HDAC8: variants seen among roughly 807,000 people sequenced by gnomAD.
The protein encoded by HDAC8 is histone deacetylase-like 1.
HDAC8 carries 1 observed loss-of-function variant against 32.2 expected under a neutral mutation model. The ratio of observed to expected loss-of-function variants is 0.03; its 90% CI spans 0.01 to 0.15. HDAC8 has a LOEUF of 0.15. HDAC8 is among the 10% of genes least tolerant of loss of function. The pLI, the probability that HDAC8 is intolerant of heterozygous loss-of-function variation, is 1.00. For synonymous variants in HDAC8, 108 were observed against 113.9 expected (o/e 0.95, Z 0.33); for missense variants, 117 against 300.0 (o/e 0.39, Z 4.51).
intron 4 of HDAC8, among the ~76,000 whole-genome samples, chrX:72,520,676 A>G (rs1337830517): frequency 8.9e-6 from 1 of 112,607 alleles, no homozygotes; most frequent in Non-Finnish European, 1.9e-5. Context: ...TATAGTCTGT[A>G]AATTTCCCAA....
chrX:72,557,218 A>C lies in HDAC8; in HGVS notation c.437+10671T>G, dbSNP rs1440597522. ...ACTCCACCTCAAACAAACAAACAAA[A>C]AAACATTCTACCCAACAACTGCAGA... On this transcript the variant is annotated intron_variant, in intron 4 of 10. Transcript: ENST00000373573. 3.6e-5 allele frequency among the ~76,000 whole-genome samples: 4 copies of C among 111,661 alleles called. No individual in the cohort carries two copies. In the Admixed American group the frequency reaches 3.8e-4, roughly 11 times the overall value.
At chrX:72,476,556 A>T (rs2048341914) in intron 7 of HDAC8, among the ~76,000 whole-genome samples, 1 of 111,203 alleles carries the variant, frequency 9.0e-6, no homozygotes, top group Admixed American at 9.6e-5. Flanking sequence ...TACAGCACTC[A>T]GTTCAGGGAG....
At chrX:72,423,619 T>C (rs782578114) in intron 9 of HDAC8, among the ~76,000 whole-genome samples, 4 of 112,714 alleles carry the variant, frequency 3.5e-5, no homozygotes, top group Non-Finnish European at 7.5e-5. Context: ...ACAGCTCAGC[T>C]ATGTACTGTA....
chrX:72,347,308 T>C (rs1555947298), intron 10 of HDAC8, among the ~76,000 whole-genome samples: 1 of 111,933 alleles, frequency 8.9e-6, no homozygotes, highest in Non-Finnish European at 1.9e-5. Context: ...GGCAGATGCA[T>C]GCAAGGCCTT....
chrX:72,417,805 C>G (rs1444334358), intron 9 of HDAC8, among the ~76,000 whole-genome samples: 1 of 111,948 alleles, frequency 8.9e-6, no homozygotes, highest in Non-Finnish European at 1.9e-5. Flanking sequence ...ATCACATTAT[C>G]CAACTTCAAA....
At chrX:72,372,715 T>C (rs782332289) in intron 9 of HDAC8, among the ~76,000 whole-genome samples, 18 of 111,916 alleles carry the variant, frequency 1.6e-4, no homozygotes, top group Non-Finnish European at 3.2e-4. Context: ...TTAATTTTAG[T>C]TGTACCATTT....
At chrX:72,427,462 C>A (rs1162928052) in intron 9 of HDAC8, among the ~76,000 whole-genome samples, 2 of 110,034 alleles carry the variant, frequency 1.8e-5, no homozygotes, top group Non-Finnish European at 3.8e-5. Flanking sequence ...ATGGATGAAG[C>A]TGGAAACCAT....
At chrX:72,546,999 AC>A (rs782769703) in intron 4 of HDAC8, among the ~76,000 whole-genome samples, 47 of 109,793 alleles carry the variant, frequency 4.3e-4, no homozygotes, top group African/African-American at 1.5e-3. Flanking sequence ...CCAACAAACC[AC>A]CCCTCAACCC....
intron 9 of HDAC8, among the ~76,000 whole-genome samples, chrX:72,420,272 A>G (rs1602751866): frequency 3.6e-5 from 4 of 111,253 alleles, no homozygotes; most frequent in African/African-American, 1.3e-4. Flanking sequence ...GAATCTCTTT[A>G]TTTGTTATAG....
intron 9 of HDAC8, among the ~76,000 whole-genome samples, chrX:72,401,510 G>A (rs1044060904): frequency 8.9e-5 from 10 of 112,247 alleles, no homozygotes; most frequent in Non-Finnish European, 1.9e-4. Context: ...TTACAGGCAT[G>A]AGCCACTGTG....
At chrX:72,349,616 AT>A (rs1323697004) in intron 10 of HDAC8, among the ~76,000 whole-genome samples, 3 of 111,497 alleles carry the variant, frequency 2.7e-5, no homozygotes, top group Non-Finnish European at 5.7e-5. Flanking sequence ...GAGATCTGTT[AT>A]TTTTTTCACC....
rs142140683 is a variant in HDAC8 at position 72,448,003 on chromosome X, T to C, written c.1005+14001A>G. Reference sequence around the variant, plus strand: ...AGGATCAATATTGTGAAAATGGCCATACTGCCCAAAGTAATTTATAGATTC... The same window carrying C: ...AGGATCAATATTGTGAAAATGGCCACACTGCCCAAAGTAATTTATAGATTC... On this transcript the variant is annotated intron_variant, in intron 9 of 10. Coordinates refer to ENST00000373573, the MANE Select transcript of HDAC8 (RefSeq NM_018486.3). 9.6e-3 allele frequency among the ~76,000 whole-genome samples: 1,082 copies of C among 112,145 alleles called. 16 individuals are homozygous for C. Among genetic ancestry groups the C allele is most frequent in the African/African-American group, 0.034 (1,034 of 30,849 alleles).
chrX:72,411,427 C>A (rs1333636306), intron 9 of HDAC8, among the ~76,000 whole-genome samples: 5 of 111,819 alleles, frequency 4.5e-5, no homozygotes, highest in Non-Finnish European at 9.4e-5. Context: ...GAGTTGACAC[C>A]CTCAGAGGGG....
At chrX:72,423,664 T>G (rs2046554743) in intron 9 of HDAC8, among the ~76,000 whole-genome samples, 1 of 112,777 alleles carries the variant, frequency 8.9e-6, no homozygotes, top group Admixed American at 9.4e-5. Context: ...ACAATTTTTT[T>G]GAATTAATAG....
At chrX:72,520,828 T>A (rs979579222) in intron 4 of HDAC8, among the ~76,000 whole-genome samples, 4 of 112,502 alleles carry the variant, frequency 3.6e-5, no homozygotes, top group Non-Finnish European at 7.5e-5. Flanking sequence ...TTCATGATAA[T>A]GGCTTTCTGA....
intron 10 of HDAC8, among the ~76,000 whole-genome samples, chrX:72,347,136 C>T (rs1179822378): frequency 2.7e-5 from 3 of 111,743 alleles, no homozygotes; most frequent in African/African-American, 9.8e-5. Context: ...TGAATAAAGG[C>T]GATCTTGGCC....
intron 9 of HDAC8, among the ~76,000 whole-genome samples, chrX:72,452,693 A>C (rs1441702053): frequency 4.5e-5 from 5 of 111,999 alleles, no homozygotes; most frequent in Non-Finnish European, 1.9e-5. Flanking sequence ...ACAATAACTT[A>C]ATTATCAGGA....
chrX:72,444,851 A>G (rs1323665393), intron 9 of HDAC8, among the ~76,000 whole-genome samples: 1 of 108,722 alleles, frequency 9.2e-6, no homozygotes. Flanking sequence ...CAGGATACAA[A>G]ATCAATGTGC....
intron 9 of HDAC8, among the ~76,000 whole-genome samples, chrX:72,417,751 G>A (rs1482347134): frequency 9.0e-6 from 1 of 111,686 alleles, no homozygotes; most frequent in Admixed American, 9.5e-5. Flanking sequence ...AAAGGAGCCC[G>A]AATAGCCAAA....
Sources: gnomAD v4.1 joint callset for allele counts (sites outside exome capture counted in the v4.1 genomes callset) on GRCh38, gnomAD v4.1.1 for gene constraint, MANE v1.5 for transcripts, NCBI Gene and HGNC (gene_info 2026-07-23, HGNC 2026-07-21) for gene names.